Variants in SSX2IP observed in about 807,000 individuals in gnomAD.
SSX2IP encodes the protein afadin- and alpha-actinin-binding protein.
In SSX2IP, 55 loss-of-function variants were observed where a neutral mutation model predicts 84.9. That is an observed-to-expected ratio of 0.65 (90% CI 0.52 to 0.81). The LOEUF (loss-of-function observed/expected upper bound fraction) is 0.81. SSX2IP is among the 30% of genes least tolerant of loss of function. The pLI, the probability that SSX2IP is intolerant of heterozygous loss-of-function variation, is 0.00. For synonymous variants in SSX2IP, 239 were observed against 234.7 expected (o/e 1.02, Z -0.17); for missense variants, 664 against 705.2 (o/e 0.94, Z 0.66).
upstream of SSX2IP, chr1:84,690,736 AGCTGCGGCTGCG>A (rs981909353): frequency 2.0e-5 from 3 of 151,736 alleles, no homozygotes; most frequent in African/African-American, 7.3e-5. Flanking sequence ...CTGCGGGCGC[AGCTGCGGCTGCG>A]GCACCTGTTA....
chr1:84,648,801 T>TA (rs965693460), intron 13 of SSX2IP, among the ~76,000 whole-genome samples: 61 of 152,286 alleles, frequency 4.0e-4, no homozygotes, highest in African/African-American at 1.4e-3. Flanking sequence ...GATTGTAAAA[T>TA]AAATAAACTT....
Position 84,664,459 on chromosome 1 carries a change from G to T in SSX2IP, c.631C>A (p.Arg211Ser), listed in dbSNP as rs759472886. The change falls in exon 6 of 14, where the codon CGT becomes AGT. Residue 211 changes from arginine to serine, a missense_variant. Physicochemically the swap from Arg to Ser is moderately radical, Grantham distance 110. Coordinates refer to ENST00000342203, the MANE Select transcript of SSX2IP (RefSeq NM_001166293.2). ...KEREYNKLKE[R>S]LHQLVMNKKD... ...TTGTTCATAACAAGTTGATGTAGAC[G>T]TTCCTTCAGTTTATTATATTCACGC... 1.3e-5 allele frequency: 21 copies of T among 1,600,280 alleles called. No homozygotes were observed. The highest frequency in any genetic ancestry group is 1.5e-5 in the Non-Finnish European group (18 of 1,175,042).
intron 1 of SSX2IP, among the ~76,000 whole-genome samples, chr1:84,671,797 C>T (rs1393283800): frequency 1.3e-5 from 2 of 152,132 alleles, no homozygotes; most frequent in African/African-American, 4.8e-5. Context: ...CAGATTATAG[C>T]AATTTACACT....
intron 9 of SSX2IP, among the ~76,000 whole-genome samples, chr1:84,657,777 A>T (rs1260639868): frequency 6.6e-6 from 1 of 152,184 alleles, no homozygotes; most frequent in African/African-American, 2.4e-5. Flanking sequence ...CTCTTTTCAA[A>T]CATTCACTCT....
At chr1:84,670,501 A>T (rs904547340) in intron 3 of SSX2IP, 145 bp downstream of exon 3, 3 of 531,530 alleles carry the variant, frequency 5.6e-6, no homozygotes, top group Non-Finnish European at 9.4e-6. Flanking sequence ...TAGATGAGAT[A>T]ATCACCAAGG....
intron 1 of SSX2IP, among the ~76,000 whole-genome samples, chr1:84,674,613 T>C (rs1359493151): frequency 6.6e-6 from 1 of 152,206 alleles, no homozygotes; most frequent in Non-Finnish European, 1.5e-5. Flanking sequence ...GTCTATTATA[T>C]ATCCATTCTT....
chr1:84,660,146 CA>C (rs1228245725), intron 8 of SSX2IP, among the ~76,000 whole-genome samples: 2 of 151,916 alleles, frequency 1.3e-5, no homozygotes, highest in African/African-American at 2.4e-5. Context: ...TATAATGCTT[CA>C]AAAATCTTTC....
intron 1 of SSX2IP, among the ~76,000 whole-genome samples, chr1:84,673,528 G>A (rs895440478): frequency 8.5e-5 from 13 of 152,188 alleles, no homozygotes; most frequent in Non-Finnish European, 1.5e-4. Context: ...AAAGTAGCAT[G>A]TTCTCTTTTA....
intron 1 of SSX2IP, among the ~76,000 whole-genome samples, chr1:84,688,380 T>C (rs1214266113): frequency 6.6e-6 from 1 of 152,228 alleles, no homozygotes; most frequent in Admixed American, 6.5e-5. Flanking sequence ...GTAAGGCATA[T>C]TCACAGCTAT....
intron 1 of SSX2IP, among the ~76,000 whole-genome samples, chr1:84,685,247 T>C (rs1026350507): frequency 6.6e-6 from 1 of 152,224 alleles, no homozygotes; most frequent in Non-Finnish European, 1.5e-5. Flanking sequence ...TAAAATGTTT[T>C]GGGTCCCAAA....
chr1:84,649,897 G>C lies in SSX2IP; in HGVS notation c.1670+465C>G, dbSNP rs748105971. On this transcript the variant is annotated intron_variant, in intron 13 of 13. Coordinates refer to ENST00000342203, the MANE Select transcript of SSX2IP (RefSeq NM_001166293.2). ...CATGTTTTTTTACACTGTCATCCTT[G>C]GGCACAAATCTTTTTCACTCAACAG... The C allele has an allele frequency of 9.5e-6, 5 of 525,642 alleles. No individual in the cohort carries two copies. The Admixed American group carries it at 9.7e-5, about 10-fold the overall frequency. 32.6% of individuals were successfully genotyped at this position (525,642 alleles called of 1,614,324 possible).
chr1:84,646,132 T>TA lies in SSX2IP; in HGVS notation c.*1300dup, dbSNP rs1649438757. The stretch of plus-strand genomic sequence containing the variant: ...CAGTACAGGGGAAGGTAAATGGGCC[T>TA]AAACTATGATACCTAGCAAGGGTTG... On this transcript the variant is annotated 3_prime_UTR_variant, in exon 14 of 14. Transcript: ENST00000342203. 1 of 152,608 alleles carries TA rather than the reference T, an allele frequency of 6.6e-6. No individual in the cohort carries two copies. Among genetic ancestry groups the TA allele is most frequent in the Non-Finnish European group, 1.5e-5 (1 of 68,038 alleles). 9.5% of individuals were successfully genotyped at this position (152,608 alleles called of 1,614,324 possible). A position where few individuals can be genotyped will look rare whatever the true frequency, so the allele number is the denominator to read the frequency against.
intron 4 of SSX2IP, among the ~76,000 whole-genome samples, chr1:84,667,423 C>T (rs1652923502): frequency 6.6e-6 from 1 of 152,066 alleles, no homozygotes. Flanking sequence ...AGTTCAAGTC[C>T]AAAACCTCAG....
intron 1 of SSX2IP, 37 bp from the exon 2 acceptor site, chr1:84,671,345 TA>T: frequency 7.0e-7 from 1 of 1,433,746 alleles, no homozygotes; most frequent in Non-Finnish European, 9.2e-7. Flanking sequence ...GCATCTAATT[TA>T]AAATATGAAA....
chr1:84,675,251 A>G (rs1654162876), intron 1 of SSX2IP, among the ~76,000 whole-genome samples: 1 of 152,258 alleles, frequency 6.6e-6, no homozygotes, highest in African/African-American at 2.4e-5. Flanking sequence ...GGACATGATT[A>G]TTCCTCACAA....
At chr1:84,662,056 G>T in intron 8 of SSX2IP, 142 bp downstream of exon 8, 1 of 586,174 alleles carries the variant, frequency 1.7e-6, no homozygotes, top group Non-Finnish European at 3.0e-6. Flanking sequence ...CTTTTCAGTT[G>T]TCACAGTAAT....
At chr1:84,679,859 TTAGG>T (rs1197261974) in intron 1 of SSX2IP, among the ~76,000 whole-genome samples, 5 of 152,000 alleles carry the variant, frequency 3.3e-5, no homozygotes, top group Non-Finnish European at 7.4e-5. Context: ...GGCAGAGAGG[TTAGG>T]TAATTTGCCC....
chr1:84,670,510 G>C, intron 3 of SSX2IP, 136 bp downstream of exon 3: 1 of 564,500 alleles, frequency 1.8e-6, no homozygotes, highest in South Asian at 3.0e-5. Context: ...TAATCACCAA[G>C]GTTCTCTGAA....
intron 8 of SSX2IP, among the ~76,000 whole-genome samples, chr1:84,661,316 T>C (rs138582934): frequency 6.6e-6 from 1 of 152,278 alleles, no homozygotes; most frequent in African/African-American, 2.4e-5. Context: ...AACTTATACG[T>C]AAAGCAATTA....
Sources: allele counts gnomAD v4.1 joint callset (sites outside exome capture counted in the v4.1 genomes callset), GRCh38; gene constraint gnomAD v4.1.1; transcripts MANE v1.5; gene names NCBI Gene and HGNC (gene_info 2026-07-23, HGNC 2026-07-21).